WDTC1: variants seen among roughly 807,000 people sequenced by gnomAD.
The protein encoded by WDTC1 is WD and tetratricopeptide repeats 1.
WDTC1 carries 12 observed loss-of-function variants against 76.0 expected under a neutral mutation model. The observed-to-expected ratio is 0.16, with a 90% CI of 0.10 to 0.26. WDTC1 has a LOEUF of 0.26. WDTC1 is among the 10% of genes least tolerant of loss of function. WDTC1 has a pLI of 1.00. For synonymous variants in WDTC1, 326 were observed against 350.8 expected, an observed-to-expected ratio of 0.93 and a Z score of 0.79; for missense variants, 511 against 908.8, an observed-to-expected ratio of 0.56 and a Z score of 5.63.
At chr1:27,238,418 G>A (rs2011536928) in intron 1 of WDTC1, among the ~76,000 whole-genome samples, 1 of 152,166 alleles carries the variant, frequency 6.6e-6, no homozygotes, top group Admixed American at 6.5e-5. Context: ...AAAACAAAAT[G>A]GGCTGCCTTG....
intron 6 of WDTC1, among the ~76,000 whole-genome samples, chr1:27,289,916 G>A (rs929021756): frequency 5.3e-5 from 8 of 152,220 alleles, no homozygotes; most frequent in Non-Finnish European, 1.2e-4. Flanking sequence ...GGAGATTGCA[G>A]TGAGCCGAGA....
chr1:27,254,410 A>C (rs1384680119), intron 1 of WDTC1, among the ~76,000 whole-genome samples: 1 of 152,118 alleles, frequency 6.6e-6, no homozygotes. Flanking sequence ...CAGCCTGACC[A>C]ATATGGCGAA....
Position 27,284,765 on chromosome 1 carries a change from T to TA in WDTC1, c.291+1316_291+1317insA, listed in dbSNP as rs879648311. ...GCAGACTGTCAGCCTCCTCTTCTAT[T>TA]TAAAAAAAAAAAAACAACCTGAAAA... On this transcript the variant is annotated intron_variant, in intron 5 of 15. Transcript: ENST00000319394. 5.9e-3 allele frequency among the ~76,000 whole-genome samples: 862 copies of TA among 146,368 alleles called. 4 individuals are homozygous for TA. Among genetic ancestry groups the TA allele is most frequent in the Non-Finnish European group, 7.5e-3 (492 of 65,638 alleles).
At chr1:27,290,203 T>TC (rs2013495500) in intron 6 of WDTC1, among the ~76,000 whole-genome samples, 1 of 152,130 alleles carries the variant, frequency 6.6e-6, no homozygotes, top group South Asian at 2.1e-4. Context: ...CACCTCAGCC[T>TC]CCTGAATACC....
rs1316350173 is a variant in WDTC1, at chr1:27,248,708, G to A, written c.-99-12248G>A. On this transcript the variant is annotated intron_variant, in intron 1 of 15. Coordinates refer to ENST00000319394, the MANE Select transcript of WDTC1 (RefSeq NM_001276252.2). ...AGAGTCTTGCCCTGTCTCCCAGGCTGGAGTGCAGTGGTGTGATCTTGGCTC... is the reference window on the plus strand; with the variant it reads ...AGAGTCTTGCCCTGTCTCCCAGGCTAGAGTGCAGTGGTGTGATCTTGGCTC... Among the ~76,000 whole-genome samples, 4 of 152,070 alleles carry A rather than the reference G, an allele frequency of 2.6e-5. 1 individual carries two copies. The highest frequency in any genetic ancestry group is 2.6e-4 in the Admixed American group (4 of 15,268).
Position 27,267,959 on chromosome 1 carries a change from C to T in WDTC1, c.132+4724C>T, listed in dbSNP as rs190091640. Among the ~76,000 whole-genome samples, 61 of 152,174 alleles carry T rather than the reference C, an allele frequency of 4.0e-4. 1 individual carries two copies. The South Asian group carries it at 9.8e-3, about 24-fold the overall frequency. On this transcript the variant is annotated intron_variant, in intron 3 of 15. Transcript: ENST00000319394. ...ACATGTGGTTATATCTCTTATCAGA[C>T]GAATACCTAGGGTGGAATTTGTAGG...
chr1:27,245,281 A>AG (rs2011788537), intron 1 of WDTC1, among the ~76,000 whole-genome samples: 1 of 151,812 alleles, frequency 6.6e-6, no homozygotes, highest in Non-Finnish European at 1.5e-5. Context: ...GTGCTTTGAT[A>AG]GGTATAAAAC....
chr1:27,303,102 G>A lies in WDTC1; in HGVS notation c.1469-519G>A, dbSNP rs552026165. Among the ~76,000 whole-genome samples, 10 of 152,042 alleles carry A rather than the reference G, an allele frequency of 6.6e-5. No homozygotes were observed. Among genetic ancestry groups the A allele is most frequent in the Admixed American group, 3.3e-4 (5 of 15,272 alleles). On this transcript the variant is annotated intron_variant, in intron 13 of 15. Transcript: ENST00000319394. This position sits in a 1 kb window ranked among gnomAD's most constrained non-coding sequence, Gnocchi z 4.8. ...AGCCTGGCCAATGTGGCGAAACCCCGTCTCTACTAAAAATACAAAAATTAG... is the reference window on the plus strand; with the variant it reads ...AGCCTGGCCAATGTGGCGAAACCCCATCTCTACTAAAAATACAAAAATTAG...
At chr1:27,259,698 T>C (rs1289902142) in intron 1 of WDTC1, among the ~76,000 whole-genome samples, 1 of 151,964 alleles carries the variant, frequency 6.6e-6, no homozygotes, top group Non-Finnish European at 1.5e-5. Flanking sequence ...ATCAGAGTTG[T>C]ATAACACAGG....
At position 27,297,071 on chromosome 1, in the gene WDTC1, ACCAACGGTGTGT is replaced by A. The variant is rs759849631; in HGVS notation, c.990_1001del (p.Val332_Gly335del). The A allele has an allele frequency of 1.1e-5, 17 of 1,614,088 alleles. No homozygotes were observed. In the Middle Eastern group the frequency reaches 4.9e-4, roughly 47 times the overall value. On this transcript the variant is annotated inframe_deletion, in exon 11 of 16. Transcript: ENST00000319394. ...AGAAGTCCAGAATGGCAAGATGTCC[ACCAACGGTGTGT>A]CCAACGGTGTGTCCAATGGCCTGCA...
Position 27,303,733 on chromosome 1 carries a change from G to C in WDTC1, c.1581G>C (p.Gln527His). The C allele has an allele frequency of 3.1e-6, 5 of 1,614,136 alleles. No homozygotes were observed. Among genetic ancestry groups the C allele is most frequent in the Non-Finnish European group, 4.2e-6 (5 of 1,179,996 alleles). ...MVLRERSYDY[Q>H]FRYCGHCNTT... ...TGCGGGAGCGAAGCTACGACTATCA[G>C]TTCCGCTACTGCGGCCACTGCAACA... Residue 527 changes from glutamine to histidine, a missense_variant, in exon 14 of 16, where the codon CAG becomes CAC. Physicochemically the swap from Gln to His is conservative, Grantham distance 24. Transcript: ENST00000319394. The surrounding 1 kb of genome is among the most constrained non-coding windows in gnomAD (Gnocchi z 4.8).
chr1:27,296,811 C>CCCAGCCCCAGCCCTAGCA, intron 10 of WDTC1, among the ~76,000 whole-genome samples: 1 of 150,558 alleles, frequency 6.6e-6, no homozygotes. Flanking sequence ...CAGCCCTAGC[C>CCCAGCCCCAGCCCTAGCA]CCAGCCCCAG....
At chr1:27,254,652 A>C (rs1320105054) in intron 1 of WDTC1, among the ~76,000 whole-genome samples, 5 of 151,608 alleles carry the variant, frequency 3.3e-5, no homozygotes, top group Non-Finnish European at 7.4e-5. Context: ...TTTTTTTTTG[A>C]GACGGAGTTT....
intron 1 of WDTC1, among the ~76,000 whole-genome samples, chr1:27,246,665 G>A (rs1230577755): frequency 6.6e-6 from 1 of 151,714 alleles, no homozygotes; most frequent in African/African-American, 2.4e-5. Flanking sequence ...AGGTTTAAGC[G>A]ATTCTTCTGC....
intron 1 of WDTC1, among the ~76,000 whole-genome samples, chr1:27,253,446 C>T (rs554207208): frequency 8.0e-6 from 1 of 124,322 alleles, no homozygotes; most frequent in East Asian, 2.5e-4. Flanking sequence ...CTCCTTCCTC[C>T]TCCTTCCTCT....
chr1:27,283,203 A>T (rs1378173307), intron 4 of WDTC1, 135 bp from the exon 5 acceptor site: 1 of 698,942 alleles, frequency 1.4e-6, no homozygotes, highest in Non-Finnish European at 2.4e-6. Flanking sequence ...GCTGTTTACA[A>T]GGCAACCTTA....
intron 3 of WDTC1, among the ~76,000 whole-genome samples, chr1:27,279,080 A>G (rs1256798259): frequency 6.6e-6 from 1 of 152,088 alleles, no homozygotes; most frequent in Non-Finnish European, 1.5e-5. Context: ...AAAATAAATA[A>G]CATATATTCA....
At chr1:27,295,458 GT>G (rs1052019497) in intron 9 of WDTC1, among the ~76,000 whole-genome samples, 64 of 142,628 alleles carry the variant, frequency 4.5e-4, no homozygotes, top group Admixed American at 3.5e-4. Context: ...CGTGTTTTTT[GT>G]TTTTTTTTTT....
Position 27,298,003 on chromosome 1 carries a change from G to A in WDTC1, c.1124G>A (p.Cys375Tyr). Residue 375 changes from cysteine to tyrosine, a missense_variant, in exon 12 of 16, where the codon TGC becomes TAC. Physicochemically the swap from Cys to Tyr is radical, Grantham distance 194. Coordinates refer to ENST00000319394, the MANE Select transcript of WDTC1 (RefSeq NM_001276252.2). The part of the protein sequence containing the change: ...VKQQANEAFA[C>Y]QQWTQAIQLY... Reference sequence around the variant, plus strand: ...CAGCAAGCCAATGAGGCTTTTGCCTGCCAGCAGTGGACCCAAGCCATTCAG... The same window carrying A: ...CAGCAAGCCAATGAGGCTTTTGCCTACCAGCAGTGGACCCAAGCCATTCAG... 6.2e-7 allele frequency: 1 copy of A among 1,614,142 alleles called. No homozygotes were observed. The highest frequency in any genetic ancestry group is 8.5e-7 in the Non-Finnish European group (1 of 1,179,984).
Sources: gnomAD v4.1 joint callset for allele counts (sites outside exome capture counted in the v4.1 genomes callset) on GRCh38, gnomAD v4.1.1 for gene constraint, Gnocchi (gnomAD v3.1) non-coding constraint, MANE v1.5 for transcripts, NCBI Gene and HGNC (gene_info 2026-07-23, HGNC 2026-07-21) for gene names.